DYDC2: variants seen among roughly 807,000 people sequenced by gnomAD.
DYDC2 encodes DPY30 domain containing 2, also known as DPY30 domain-containing protein 2.
A neutral mutation model predicts 18.7 loss-of-function variants in DYDC2; 19 were observed. The ratio of observed to expected loss-of-function variants is 1.02; its 90% CI spans 0.71 to 1.49. The LOEUF (loss-of-function observed/expected upper bound fraction) is 1.49, where lower values mean the gene tolerates loss of function less well. DYDC2 is among the 40% of genes most tolerant of loss of function. The pLI, the probability that DYDC2 is intolerant of heterozygous loss-of-function variation, is 0.00. For missense variants in DYDC2, 179 were observed against 205.1 expected (o/e 0.87, Z 0.78); for synonymous variants, 63 against 67.6 (o/e 0.93, Z 0.34).
upstream of DYDC2, among the ~76,000 whole-genome samples, chr10:80,354,080 C>T (rs1376476007): frequency 6.6e-6 from 1 of 151,020 alleles, no homozygotes; most frequent in East Asian, 1.9e-4. Context: ...CGTGCCACTG[C>T]ACTCCAGCCT....
chr10:80,353,437 C>T (rs184092385), upstream of DYDC2, among the ~76,000 whole-genome samples: 818 of 150,570 alleles, frequency 5.4e-3, 4 homozygotes, highest in Non-Finnish European at 9.5e-3. Context: ...GCTGGGATTA[C>T]AGGCGTGAGC....
intron 1 of DYDC2, among the ~76,000 whole-genome samples, chr10:80,349,133 C>A (rs61859195): frequency 0.19 from 28,973 of 152,114 alleles, 3,292 homozygotes; most frequent in South Asian, 0.44. Flanking sequence ...CCCTGTGATC[C>A]GCCCGCCTCG....
At chr10:80,364,022 A>G (rs955905980) in intron 4 of DYDC2, among the ~76,000 whole-genome samples, 3 of 152,188 alleles carry the variant, frequency 2.0e-5, no homozygotes, top group African/African-American at 7.2e-5. Context: ...AGATACCTGG[A>G]TAGAGAGTCG....
At chr10:80,348,202 T>C (rs1842782602) in intron 1 of DYDC2, among the ~76,000 whole-genome samples, 1 of 152,250 alleles carries the variant, frequency 6.6e-6, no homozygotes, top group Non-Finnish European at 1.5e-5. Flanking sequence ...ACGTATATTA[T>C]TCTTTTTGAA....
At chr10:80,352,699 C>T, upstream of DYDC2, 2 of 1,417,970 alleles carry the variant, frequency 1.4e-6, no homozygotes, top group South Asian at 3.4e-5. Flanking sequence ...CAAAGCCTTA[C>T]ATACACCCTG....
At chr10:80,361,699 G>A (rs1340379) in intron 2 of DYDC2, among the ~76,000 whole-genome samples, 114,914 of 152,184 alleles carry the variant, frequency 0.76, 44,277 homozygotes, top group East Asian at 0.97. Flanking sequence ...ATTTTATTCT[G>A]TAAGTTATAA....
At position 80,362,465 on chromosome 10, in the gene DYDC2, A is replaced by T. The variant is rs772046329; in HGVS notation, c.22A>T (p.Arg8Trp). 16 of 1,613,866 alleles carry T rather than the reference A, an allele frequency of 9.9e-6. No individual in the cohort carries two copies. ...CAGGATGGAAACTAACTACCTGAAG[A>T]GGTGCTTTGGAAATTGCCTGGCCCA... METNYLK[R>W]CFGNCLAQAL... is the part of the protein sequence containing the mutation. Residue 8 changes from arginine to tryptophan, a missense_variant, in exon 3 of 5, where the codon AGG becomes TGG. Transcript: ENST00000256039.
At chr10:80,363,647 C>CA (rs1843736834) in intron 4 of DYDC2, among the ~76,000 whole-genome samples, 2 of 151,764 alleles carry the variant, frequency 1.3e-5, no homozygotes, top group African/African-American at 2.4e-5. Flanking sequence ...CACGCCCAGC[C>CA]AAAAAATCTG....
upstream of DYDC2, among the ~76,000 whole-genome samples, chr10:80,355,622 A>G (rs952991682): frequency 6.6e-6 from 1 of 152,196 alleles, no homozygotes; most frequent in African/African-American, 2.4e-5. Flanking sequence ...AACACAATGG[A>G]TTATTATGCA....
intron 2 of DYDC2, among the ~76,000 whole-genome samples, chr10:80,358,565 G>A (rs1293718084): frequency 1.3e-5 from 2 of 152,178 alleles, no homozygotes; most frequent in African/African-American, 4.8e-5. Context: ...CTTGCCACAT[G>A]TAACCAGTGT....
upstream of DYDC2, among the ~76,000 whole-genome samples, chr10:80,353,290 A>G (rs1348724677): frequency 6.6e-6 from 1 of 151,908 alleles, no homozygotes; most frequent in Non-Finnish European, 1.5e-5. Flanking sequence ...TGGCCCCAGC[A>G]CACCCTGGGC....
At chr10:80,357,720 T>C (rs1301106640) in intron 1 of DYDC2, among the ~76,000 whole-genome samples, 173 bp from the exon 2 acceptor site, 1 of 152,136 alleles carries the variant, frequency 6.6e-6, no homozygotes, top group Admixed American at 6.5e-5. Context: ...GTGCATGTGC[T>C]AGCCTTTCCT....
At chr10:80,362,802 T>A in intron 3 of DYDC2, 149 bp from the exon 4 acceptor site, 2 of 1,267,844 alleles carry the variant, frequency 1.6e-6, no homozygotes, top group Non-Finnish European at 2.2e-6. Flanking sequence ...GTTGAAGGGT[T>A]TGTAACTACT....
intron 2 of DYDC2, among the ~76,000 whole-genome samples, chr10:80,360,073 T>G (rs2132887924): frequency 6.6e-6 from 1 of 152,346 alleles, no homozygotes; most frequent in East Asian, 1.9e-4. Flanking sequence ...TCATCTGTCG[T>G]CAGACTAGCT....
chr10:80,358,606 G>A (rs530469037), intron 2 of DYDC2, among the ~76,000 whole-genome samples: 3 of 152,324 alleles, frequency 2.0e-5, no homozygotes, highest in East Asian at 3.9e-4. Context: ...AGAATGCAGA[G>A]TTGGTGATTC....
At chr10:80,360,206 T>A (rs939108469) in intron 2 of DYDC2, among the ~76,000 whole-genome samples, 2 of 152,246 alleles carry the variant, frequency 1.3e-5, no homozygotes, top group Non-Finnish European at 2.9e-5. Context: ...ACTCAATTTT[T>A]TTTTAATTCC....
In DYDC2 at chr10:80,358,034, CT is replaced by C. The variant is rs144413382; in HGVS notation, c.-20del. 6.2e-4 allele frequency: 610 copies of C among 985,582 alleles called. 3 individuals are homozygous for C. The African/African-American group carries it at 0.01, about 16-fold the overall frequency. 61.1% of individuals were successfully genotyped at this position (985,582 alleles called of 1,614,324 possible). ...TCTGGGAAACACTGAAAAATAGCCT[CT>C]CCCCCCATTGGTGAGTGTACCCTAA... On this transcript the variant is annotated 5_prime_UTR_variant, in exon 2 of 5. Transcript: ENST00000256039.
chr10:80,346,213 A>C (rs1458009242), intron 1 of DYDC2, among the ~76,000 whole-genome samples: 3 of 152,180 alleles, frequency 2.0e-5, no homozygotes, highest in Admixed American at 2.0e-4. Context: ...TGGCTATTGT[A>C]AATAATGCTG....
At chr10:80,355,801 G>T (rs1397384582), upstream of DYDC2, among the ~76,000 whole-genome samples, 1 of 151,998 alleles carries the variant, frequency 6.6e-6, no homozygotes, top group Non-Finnish European at 1.5e-5. Context: ...CTCTAAAAAC[G>T]GAAAACAAAC....
Sources: gnomAD v4.1 joint callset for allele counts (sites outside exome capture counted in the v4.1 genomes callset) on GRCh38, gnomAD v4.1.1 for gene constraint, MANE v1.5 for transcripts, NCBI Gene and HGNC (gene_info 2026-07-23, HGNC 2026-07-21) for gene names.